DMXL2: variants seen among roughly 807,000 people sequenced by gnomAD.
DMXL2 encodes the protein dmX-like protein 2.
A neutral mutation model predicts 331.1 loss-of-function variants in DMXL2; 103 were observed. The observed-to-expected ratio is 0.31, with a 90% confidence interval of 0.27 to 0.37. The LOEUF (loss-of-function observed/expected upper bound fraction) is 0.37, where lower values mean the gene tolerates loss of function less well. Ranked by LOEUF, DMXL2 falls within the 10% of genes least tolerant of loss-of-function variation. The pLI is 1.00. For missense variants in DMXL2, 3,171 were observed against 3,642.9 expected (o/e 0.87, Z 3.33); for synonymous variants, 1,281 against 1,252.1 (o/e 1.02, Z -0.49).
rs1007540067 is a variant in DMXL2, at chr15:51,469,711, A to G, written c.7392+1512T>C. Reference sequence around the variant, plus strand: ...TCTTAATGTTGTTATCACTCACATTAATGATGCAATGAGCTTTCATTCGTG... The same window carrying G: ...TCTTAATGTTGTTATCACTCACATTGATGATGCAATGAGCTTTCATTCGTG... On this transcript the variant is annotated intron_variant, in intron 29 of 43. Coordinates refer to ENST00000560891, the MANE Select transcript of DMXL2 (RefSeq NM_001378457.1). Among the ~76,000 whole-genome samples the G allele has an allele frequency of 5.3e-5, 8 of 152,244 alleles. No homozygotes were observed. The East Asian group carries it at 1.2e-3, about 22-fold the overall frequency.
chr15:51,458,595 T>C lies in DMXL2; in HGVS notation c.8109A>G (p.Thr2703=). The C allele has an allele frequency of 6.2e-7, 1 of 1,614,012 alleles. No individual in the cohort carries two copies. Among genetic ancestry groups the C allele is most frequent in the Non-Finnish European group, 8.5e-7 (1 of 1,179,894 alleles). The change falls in exon 36 of 44, where the codon ACA becomes ACG. Residue 2703 remains threonine (T), a synonymous_variant. Coordinates refer to ENST00000560891, the MANE Select transcript of DMXL2 (RefSeq NM_001378457.1). ...TAACATCAAGTTCTTGAACATCATG[T>C]GTTGAAGCCAAAACAATTTCATTAC... ...ANCNEIVLAS[T]HDVQELDVTS... is the part of the protein sequence containing the mutation.
intron 6 of DMXL2, among the ~76,000 whole-genome samples, chr15:51,559,178 G>C (rs2049794222): frequency 6.6e-6 from 1 of 152,122 alleles, no homozygotes; most frequent in South Asian, 2.1e-4. Context: ...CTCATCAAAA[G>C]ATACCATTAA....
intron 16 of DMXL2, among the ~76,000 whole-genome samples, chr15:51,504,365 C>G (rs1353785507): frequency 6.6e-6 from 1 of 152,104 alleles, no homozygotes; most frequent in Non-Finnish European, 1.5e-5. Flanking sequence ...ACACAAAAAC[C>G]AAAAGTTCTA....
At chr15:51,576,698 A>G (rs2141137299) in intron 1 of DMXL2, among the ~76,000 whole-genome samples, 1 of 152,294 alleles carries the variant, frequency 6.6e-6, no homozygotes, top group South Asian at 2.1e-4. Flanking sequence ...CACTAAGGCA[A>G]TGGCTAAACT....
rs1376168783 is a variant in DMXL2 at position 51,568,264 on chromosome 15, C to G, written c.285+223G>C. ...AAACTAGGGTAGATCTCAGTTAACA[C>G]AGTAAATGTCAATTTGCAATATTCT... On this transcript the variant is annotated intron_variant, in intron 3 of 43. Coordinates refer to ENST00000560891, the MANE Select transcript of DMXL2 (RefSeq NM_001378457.1). 9.3e-6 allele frequency: 4 copies of G among 432,072 alleles called. No individual in the cohort carries two copies. In the East Asian group the frequency reaches 1.3e-4, roughly 14 times the overall value. 26.8% of individuals were successfully genotyped at this position (432,072 alleles called of 1,614,324 possible).
intron 1 of DMXL2, among the ~76,000 whole-genome samples, chr15:51,601,077 G>A (rs1158582281): frequency 6.6e-6 from 1 of 152,054 alleles, no homozygotes; most frequent in South Asian, 2.1e-4. Flanking sequence ...GGATCACAAG[G>A]TCAGGATATT....
rs772193705 is a variant in DMXL2 at position 51,563,375 on chromosome 15, C to T, written c.567+6G>A. 6 of 1,595,318 alleles carry T rather than the reference C, an allele frequency of 3.8e-6. No homozygotes were observed. The South Asian group carries it at 6.7e-5, about 18-fold the overall frequency. On this transcript the variant is annotated splice_donor_region_variant and intron_variant, in intron 6 of 43. Coordinates refer to ENST00000560891, the MANE Select transcript of DMXL2 (RefSeq NM_001378457.1). ...TTATTTCGTATGTTTTTGTTTGATC[C>T]TTTACCTTTCCAGCAGTAGCAAAAT...
At chr15:51,598,248 T>C (rs2052970863) in intron 1 of DMXL2, among the ~76,000 whole-genome samples, 1 of 152,220 alleles carries the variant, frequency 6.6e-6, no homozygotes, top group Non-Finnish European at 1.5e-5. Flanking sequence ...AAAAAGTTCC[T>C]GTATACCACA....
At chr15:51,581,312 C>T (rs894973206) in intron 1 of DMXL2, among the ~76,000 whole-genome samples, 6 of 152,082 alleles carry the variant, frequency 3.9e-5, no homozygotes, top group African/African-American at 1.2e-4. Flanking sequence ...CAAAACCATC[C>T]CTCTCCTTCA....
chr15:51,500,289 T>C (rs1054087637), intron 17 of DMXL2, 58 bp from the exon 18 acceptor site: 31 of 1,462,466 alleles, frequency 2.1e-5, no homozygotes, highest in Admixed American at 2.0e-4. Context: ...CAAAATAATA[T>C]GGTAGTAATC....
intron 14 of DMXL2, among the ~76,000 whole-genome samples, chr15:51,515,904 A>T (rs1312714455): frequency 6.6e-6 from 1 of 152,170 alleles, no homozygotes; most frequent in Non-Finnish European, 1.5e-5. Context: ...AGAAAAAAGA[A>T]ATCACAGGCT....
chr15:51,586,069 G>C (rs1308133485), intron 1 of DMXL2, among the ~76,000 whole-genome samples: 1 of 152,142 alleles, frequency 6.6e-6, no homozygotes, highest in Non-Finnish European at 1.5e-5. Context: ...ACATGATTCA[G>C]TTATTCTAAC....
intron 13 of DMXL2, among the ~76,000 whole-genome samples, chr15:51,523,475 G>C (rs983436000): frequency 2.0e-5 from 3 of 152,202 alleles, no homozygotes; most frequent in African/African-American, 7.2e-5. Context: ...GGGTTAAATA[G>C]TGTCCTCCCA....
At chr15:51,596,074 T>A (rs1233260969) in intron 1 of DMXL2, among the ~76,000 whole-genome samples, 2 of 152,062 alleles carry the variant, frequency 1.3e-5, no homozygotes, top group South Asian at 2.1e-4. Context: ...ACAAAAGGGA[T>A]CTAATTAAAC....
chr15:51,457,174 A>G (rs1202142734), intron 37 of DMXL2, 154 bp downstream of exon 37: 6 of 862,302 alleles, frequency 7.0e-6, no homozygotes, highest in Non-Finnish European at 1.0e-5. Context: ...CCTGTCACCA[A>G]ATAAAAAAGC....
At position 51,488,627 on chromosome 15, in the gene DMXL2, G is replaced by T; in HGVS notation, c.4972C>A (p.Gln1658Lys). 6.2e-7 allele frequency: 1 copy of T among 1,607,844 alleles called. No individual in the cohort carries two copies. Among genetic ancestry groups the T allele is most frequent in the South Asian group, 1.1e-5 (1 of 89,184 alleles). The stretch of plus-strand genomic sequence containing the variant: ...GCATCTAAGGCATCATTGTTCCTTT[G>T]AAAAGAAGCTTTGGCAACCTAAATG... ...CIEKVAKASFQRNNDALDAAL... is the reference protein window; with the variant it reads ...CIEKVAKASFKRNNDALDAAL... The change falls in exon 21 of 44, where the codon CAA (glutamine) becomes AAA (lysine). Residue 1658 changes from glutamine (Q) to lysine (K), a missense_variant. Gln to Lys is a moderately conservative substitution (Grantham distance 53). Coordinates refer to ENST00000560891, the MANE Select transcript of DMXL2 (RefSeq NM_001378457.1).
intron 13 of DMXL2, among the ~76,000 whole-genome samples, chr15:51,535,323 C>G (rs1022763485): frequency 2.0e-5 from 3 of 152,084 alleles, no homozygotes; most frequent in Non-Finnish European, 2.9e-5. Context: ...AAACATACAG[C>G]TTGGTAAAGA....
intron 43 of DMXL2, 137 bp downstream of exon 43, chr15:51,449,992 A>C: frequency 2.7e-6 from 2 of 729,264 alleles, no homozygotes; most frequent in Admixed American, 2.7e-5. Flanking sequence ...GAGGCGGCAG[A>C]GTGTTGAGAT....
chr15:51,538,219 C>T lies in DMXL2; in HGVS notation c.1339G>A (p.Asp447Asn), dbSNP rs149014761. 875 of 1,612,018 alleles carry T rather than the reference C, an allele frequency of 5.4e-4. 1 individual carries two copies. Among genetic ancestry groups the T allele is most frequent in the Non-Finnish European group, 7.0e-4 (826 of 1,178,820 alleles). ...DRERGLHMKLDHDLSLDRESE... is the reference protein window; with the variant it reads ...DRERGLHMKLNHDLSLDRESE... ...CTGAACACAGGATACTAACCATGGT[C>T]TAATTTCATATGTAAACCCCGTTCT... is the stretch of plus-strand genomic sequence containing the variant. The change falls in exon 10 of 44, where the codon GAC becomes AAC. Residue 447 changes from aspartate to asparagine, a missense_variant. Physicochemically the swap from Asp to Asn is conservative, Grantham distance 23. Transcript: ENST00000560891.
Sources: allele counts gnomAD v4.1 joint callset (sites outside exome capture counted in the v4.1 genomes callset), GRCh38; gene constraint gnomAD v4.1.1; transcripts MANE v1.5; gene names NCBI Gene and HGNC (gene_info 2026-07-23, HGNC 2026-07-21).